Variants in ARSB observed in about 807,000 individuals in gnomAD.
The protein encoded by ARSB is N-acetylgalactosamine-4-sulfatase.
In ARSB, 41 loss-of-function variants were observed where a neutral mutation model predicts 50.9. The observed-to-expected ratio is 0.81, with a 90% CI of 0.63 to 1.04. ARSB has a LOEUF of 1.04. Among genes scored for constraint, ARSB ranks in the 50% least tolerant of loss-of-function variants. ARSB has a pLI of 0.00. For synonymous variants in ARSB, 269 were observed against 284.8 expected (o/e 0.94, Z 0.56); for missense variants, 672 against 693.3 (o/e 0.97, Z 0.35).
intron 3 of ARSB, among the ~76,000 whole-genome samples, chr5:78,962,155 T>C (rs1038411630): frequency 1.3e-5 from 2 of 152,170 alleles, no homozygotes; most frequent in Non-Finnish European, 1.5e-5. Flanking sequence ...TTGAACAAGT[T>C]ACTTAACTTC....
At position 78,885,788 on chromosome 5, in the gene ARSB, GGCCAGT is replaced by G. The variant is rs1748001324; in HGVS notation, c.932_937del (p.Asn311_Pro313delinsThr). 6.2e-7 allele frequency: 1 copy of G among 1,613,996 alleles called. No homozygotes were observed. Among genetic ancestry groups the G allele is most frequent in the Admixed American group, 1.7e-5 (1 of 59,994 alleles). ...CAGGCTCCATTTTCTTCCTCGAAGG[GGCCAGT>G]TATTACCCCCTGCCAAAGTCTGCCC... On this transcript the variant is annotated inframe_deletion, in exon 5 of 8. Coordinates refer to ENST00000264914, the MANE Select transcript of ARSB (RefSeq NM_000046.5).
intron 6 of ARSB, among the ~76,000 whole-genome samples, chr5:78,837,540 TAATGC>T (rs1460941907): frequency 2.0e-5 from 3 of 152,210 alleles, no homozygotes; most frequent in Non-Finnish European, 4.4e-5. Context: ...AATAGAAATA[TAATGC>T]AAGTCACTTA....
At chr5:78,909,444 C>T (rs970887558) in intron 4 of ARSB, among the ~76,000 whole-genome samples, 1 of 152,184 alleles carries the variant, frequency 6.6e-6, no homozygotes, top group Non-Finnish European at 1.5e-5. Context: ...CCATTTTGAT[C>T]TGTACCCTGA....
chr5:78,896,601 G>A (rs1033339947), intron 4 of ARSB, among the ~76,000 whole-genome samples: 3 of 152,170 alleles, frequency 2.0e-5, no homozygotes, highest in Admixed American at 1.3e-4. Flanking sequence ...ATTGTGTTAG[G>A]CTATTTTGTA....
intron 4 of ARSB, among the ~76,000 whole-genome samples, chr5:78,939,754 G>A (rs1750813017): frequency 6.6e-6 from 1 of 152,142 alleles, no homozygotes; most frequent in South Asian, 2.1e-4. Context: ...ATGTGCATGT[G>A]TCTTTATAGC....
intron 4 of ARSB, among the ~76,000 whole-genome samples, chr5:78,931,520 C>T (rs1750327424): frequency 1.3e-5 from 2 of 152,070 alleles, no homozygotes; most frequent in South Asian, 4.1e-4. Context: ...GGCCATTTCA[C>T]TGCTCATTAA....
intron 6 of ARSB, among the ~76,000 whole-genome samples, chr5:78,829,470 T>C (rs998976638): frequency 6.6e-6 from 1 of 152,268 alleles, no homozygotes; most frequent in African/African-American, 2.4e-5. Flanking sequence ...ACTTATCATT[T>C]GTTCTACTTT....
chr5:78,939,290 T>G (rs568431723), intron 4 of ARSB, among the ~76,000 whole-genome samples: 71 of 152,270 alleles, frequency 4.7e-4, no homozygotes, highest in African/African-American at 1.6e-3. Flanking sequence ...TTCTTTTTTT[T>G]TTTTTAATAC....
At chr5:78,876,752 C>T (rs1389334987) in intron 5 of ARSB, among the ~76,000 whole-genome samples, 1 of 152,174 alleles carries the variant, frequency 6.6e-6, no homozygotes, top group Non-Finnish European at 1.5e-5. Flanking sequence ...CCAACAAAGA[C>T]TGTGGACCGG....
chr5:78,862,251 A>C (rs1746478603), intron 5 of ARSB, among the ~76,000 whole-genome samples: 3 of 152,184 alleles, frequency 2.0e-5, no homozygotes, highest in African/African-American at 7.2e-5. Context: ...TCTTCACAGA[A>C]TTGGAAAAAA....
intron 4 of ARSB, among the ~76,000 whole-genome samples, chr5:78,953,362 A>G (rs753448891): frequency 5.9e-5 from 9 of 152,230 alleles, no homozygotes; most frequent in Non-Finnish European, 1.0e-4. Context: ...ACCTGGGGCA[A>G]GTTACTTATG....
intron 6 of ARSB, among the ~76,000 whole-genome samples, chr5:78,783,998 CT>C (rs201826591): frequency 6.6e-6 from 1 of 151,182 alleles, no homozygotes; most frequent in Non-Finnish European, 1.5e-5. Context: ...CCATGTTTGC[CT>C]TTTTTTAAAA....
intron 5 of ARSB, chr5:78,883,514 A>G (rs1747861908): frequency 6.6e-6 from 1 of 152,252 alleles, no homozygotes; most frequent in Admixed American, 6.5e-5. Context: ...ATGTTTAGAA[A>G]TGGTGAAGAA....
intron 4 of ARSB, among the ~76,000 whole-genome samples, chr5:78,949,476 T>C (rs1210099059): frequency 6.6e-6 from 1 of 152,230 alleles, no homozygotes; most frequent in East Asian, 1.9e-4. Flanking sequence ...AATTACATTA[T>C]TATAGCACAT....
intron 5 of ARSB, among the ~76,000 whole-genome samples, chr5:78,853,555 C>T (rs1581045014): frequency 2.0e-5 from 3 of 152,348 alleles, no homozygotes. Flanking sequence ...AGATCTCCAG[C>T]TGCGTGCTGG....
chr5:78,860,255 T>C (rs1351740707), intron 5 of ARSB, among the ~76,000 whole-genome samples: 1 of 152,130 alleles, frequency 6.6e-6, no homozygotes, highest in East Asian at 1.9e-4. Flanking sequence ...TGTGTGGGAG[T>C]CTAAGTCTCT....
At chr5:78,839,639 T>C (rs1170688460) in intron 5 of ARSB, among the ~76,000 whole-genome samples, 1 of 152,210 alleles carries the variant, frequency 6.6e-6, no homozygotes, top group Non-Finnish European at 1.5e-5. Flanking sequence ...AGAACTTCAG[T>C]GTCAAGCATA....
Position 78,964,586 on chromosome 5 carries a change from C to G in ARSB, c.520G>C (p.Asp174His). 1.2e-6 allele frequency: 2 copies of G among 1,613,642 alleles called. No individual in the cohort carries two copies. The highest frequency in any genetic ancestry group is 1.7e-6 in the Non-Finnish European group (2 of 1,179,906). Residue 174 changes from aspartate (D) to histidine (H), a missense_variant, in exon 3 of 8, where the codon GAT becomes CAT. Coordinates refer to ENST00000264914, the MANE Select transcript of ARSB (RefSeq NM_000046.5). ...GTACAGCGTTCATGGGAATAATAAT[C>G]TTCACTACCCAGGAGATATCCTGCA... ...TYFGYLLGSE[D>H]YYSHERCTLI...
intron 2 of ARSB, among the ~76,000 whole-genome samples, chr5:78,967,225 A>G (rs1430527895): frequency 6.6e-6 from 1 of 152,220 alleles, no homozygotes; most frequent in Non-Finnish European, 1.5e-5. Flanking sequence ...GATGTTGTCC[A>G]CCTTACCTTC....
Sources: gnomAD v4.1 joint callset for allele counts (sites outside exome capture counted in the v4.1 genomes callset) on GRCh38, gnomAD v4.1.1 for gene constraint, MANE v1.5 for transcripts, NCBI Gene and HGNC (gene_info 2026-07-23, HGNC 2026-07-21) for gene names.